The following KLKB1 variants were observed in gnomAD, a reference collection of about 807,000 sequenced individuals.
KLKB1 encodes kallikrein B1.
In KLKB1, 58 loss-of-function variants were observed where a neutral mutation model predicts 73.6. The observed-to-expected ratio is 0.79, with a 90% CI of 0.64 to 0.98. The LOEUF (loss-of-function observed/expected upper bound fraction) is 0.98. Among genes scored for constraint, KLKB1 ranks in the 50% least tolerant of loss-of-function variants. The pLI is 0.00. For missense variants in KLKB1, 737 were observed against 763.8 expected (o/e 0.96, Z 0.41); for synonymous variants, 280 against 258.1 (o/e 1.08, Z -0.81).
intron 6 of KLKB1, among the ~76,000 whole-genome samples, chr4:186,248,471 C>A (rs986352677): frequency 6.6e-6 from 1 of 151,944 alleles, no homozygotes; most frequent in African/African-American, 2.4e-5. Flanking sequence ...GTTTTCAAGG[C>A]TCATTCGTAT....
Position 186,240,225 on chromosome 4 carries a change from T to G in KLKB1, c.598+1860T>G, listed in dbSNP as rs953178322. Among the ~76,000 whole-genome samples, 55 of 152,122 alleles carry G rather than the reference T, an allele frequency of 3.6e-4. 1 individual carries two copies. The highest frequency in any genetic ancestry group is 1.3e-3 in the African/African-American group (53 of 41,502). ...TTGTTATAGTTATAGGACAGTGATA[T>G]TGTTATAGTTATAGGACAGTGATGT... is the stretch of plus-strand genomic sequence containing the variant. On this transcript the variant is annotated intron_variant, in intron 6 of 14. Transcript: ENST00000264690.
In KLKB1 at chr4:186,251,207, T is replaced by TTA. The variant is rs1554079153; in HGVS notation, c.759-12_759-11insTA. 58 of 1,557,930 alleles carry TTA rather than the reference T, an allele frequency of 3.7e-5. No homozygotes were observed. The highest frequency in any genetic ancestry group is 2.7e-4 in the East Asian group (12 of 44,494). Reference sequence around the variant, plus strand: ...TCTTTCTTTCTCTCTTGCTTTTTTTTAAAAAAAATAGAAATGTTTGTCTTC... The same window carrying TTA: ...TCTTTCTTTCTCTCTTGCTTTTTTTTTAAAAAAAAATAGAAATGTTTGTCTTC... On this transcript the variant is annotated splice_polypyrimidine_tract_variant and intron_variant, in intron 7 of 14. Transcript: ENST00000264690.
chr4:186,232,990 C>T (rs1004975624), intron 3 of KLKB1, among the ~76,000 whole-genome samples: 6 of 152,176 alleles, frequency 3.9e-5, no homozygotes, highest in African/African-American at 1.4e-4. Flanking sequence ...TCTCGGCTCA[C>T]TGCAACTTCC....
Position 186,257,922 on chromosome 4 carries a change from G to A in KLKB1, c.1726-99G>A. ...AAAATATGAAAGTATCTGTGTGTGT[G>A]TGTTGCTGTGTAGTGGACTACAGAA... On this transcript the variant is annotated intron_variant, in intron 14 of 14. Transcript: ENST00000264690. 6.0e-6 allele frequency: 6 copies of A among 1,003,046 alleles called. No homozygotes were observed. The South Asian group carries it at 7.8e-5, about 13-fold the overall frequency. The allele number at this position is 1,003,046 out of a possible 1,614,324, so 62.1% of individuals were successfully genotyped here. A position where few individuals can be genotyped will look rare whatever the true frequency, so the allele number is the denominator to read the frequency against.
upstream of KLKB1, among the ~76,000 whole-genome samples, chr4:186,224,391 G>A (rs28796315): frequency 3.8e-4 from 58 of 152,352 alleles, no homozygotes; most frequent in African/African-American, 1.2e-3. Flanking sequence ...GAAGGCAGCC[G>A]TAGGGGCTGT....
intron 6 of KLKB1, among the ~76,000 whole-genome samples, chr4:186,248,694 G>A (rs1470026700): frequency 1.4e-5 from 2 of 146,678 alleles, no homozygotes; most frequent in African/African-American, 2.6e-5. Context: ...ATATACTTAG[G>A]ATTAAAATTG....
chr4:186,213,514 C>A (rs1460626149), intron 2 of KLKB1: 1 of 152,216 alleles, frequency 6.6e-6, no homozygotes, highest in East Asian at 1.9e-4. Context: ...TTACTGTTGT[C>A]ATAGAGAGAT....
chr4:186,250,163 C>G, intron 6 of KLKB1, 80 bp from the exon 7 acceptor site: 1 of 1,297,868 alleles, frequency 7.7e-7, no homozygotes, highest in Non-Finnish European at 1.1e-6. Flanking sequence ...TCACAATTTC[C>G]TTAACTATGG....
intron 5 of KLKB1, among the ~76,000 whole-genome samples, chr4:186,237,426 AT>A: frequency 6.6e-6 from 1 of 152,090 alleles, no homozygotes; most frequent in East Asian, 1.9e-4. Flanking sequence ...AATTCATTTA[AT>A]TTCATTTGTT....
Position 186,240,385 on chromosome 4 carries a change from T to C in KLKB1, c.598+2020T>C, listed in dbSNP as rs193008172. On this transcript the variant is annotated intron_variant, in intron 6 of 14. Transcript: ENST00000264690. Reference sequence around the variant, plus strand: ...TAGGACAGTGATATTGTTATAGTTATAGGTACAGTGATGTTGTAGCAAAAC... The same window carrying C: ...TAGGACAGTGATATTGTTATAGTTACAGGTACAGTGATGTTGTAGCAAAAC... 2.7e-3 allele frequency among the ~76,000 whole-genome samples: 416 copies of C among 152,254 alleles called. 3 individuals are homozygous for C. The highest frequency in any genetic ancestry group is 9.5e-3 in the African/African-American group (395 of 41,524).
intron 6 of KLKB1, among the ~76,000 whole-genome samples, 190 bp downstream of exon 6, chr4:186,238,555 A>G (rs926983396): frequency 4.6e-5 from 7 of 152,092 alleles, no homozygotes. Context: ...GGCCCAATGT[A>G]CTCACAGGGT....
At chr4:186,244,472 T>C (rs1318391817) in intron 6 of KLKB1, among the ~76,000 whole-genome samples, 1 of 149,822 alleles carries the variant, frequency 6.7e-6, no homozygotes, top group Non-Finnish European at 1.5e-5. Context: ...GGGGCTGTCC[T>C]CGAAGCCTTG....
At chr4:186,230,859 T>C (rs989358642) in intron 2 of KLKB1, among the ~76,000 whole-genome samples, 1 of 152,226 alleles carries the variant, frequency 6.6e-6, no homozygotes, top group African/African-American at 2.4e-5. Context: ...TAGGCCTTTT[T>C]GTAACTAGTA....
intron 4 of KLKB1, among the ~76,000 whole-genome samples, chr4:186,234,786 A>G (rs1737569675): frequency 6.6e-6 from 1 of 152,228 alleles, no homozygotes; most frequent in Admixed American, 6.5e-5. Flanking sequence ...TTCCAATGCT[A>G]TCCTAATAAA....
At chr4:186,235,371 C>T (rs1737611851) in intron 4 of KLKB1, among the ~76,000 whole-genome samples, 1 of 102,826 alleles carries the variant, frequency 9.7e-6, no homozygotes, top group South Asian at 2.7e-4. Context: ...AAATTGTTCC[C>T]AAGTACATAA....
intron 2 of KLKB1, among the ~76,000 whole-genome samples, chr4:186,220,469 A>G (rs879600843): frequency 6.6e-6 from 1 of 152,136 alleles, no homozygotes; most frequent in South Asian, 2.1e-4. Flanking sequence ...AAACCACCCC[A>G]TAGCTGGCAC....
upstream of KLKB1, chr4:186,227,504 T>G (rs1737206289): frequency 6.6e-6 from 1 of 152,230 alleles, no homozygotes; most frequent in Non-Finnish European, 1.5e-5. Context: ...AAATATTGCC[T>G]GCAGTGCCAC....
At chr4:186,240,135 T>C (rs567802374) in intron 6 of KLKB1, among the ~76,000 whole-genome samples, 2 of 121,832 alleles carry the variant, frequency 1.6e-5, no homozygotes, top group African/African-American at 5.5e-5. Context: ...GATACTGTTA[T>C]AGTTATAGGA....
chr4:186,221,141 C>T (rs1737024064), intron 2 of KLKB1, among the ~76,000 whole-genome samples: 1 of 151,702 alleles, frequency 6.6e-6, no homozygotes, highest in African/African-American at 2.4e-5. Flanking sequence ...CTGTGGTATC[C>T]ATTGTAATCT....
Sources: gnomAD v4.1 joint callset for allele counts (sites outside exome capture counted in the v4.1 genomes callset) on GRCh38, gnomAD v4.1.1 for gene constraint, MANE v1.5 for transcripts, NCBI Gene and HGNC (gene_info 2026-07-23, HGNC 2026-07-21) for gene names.